Variants in MEG3 observed in about 807,000 individuals in gnomAD.
The protein encoded by MEG3 is Very putative protein from MEG3 locus.
chr14:100,845,586 G>A lies in MEG3; in HGVS notation n.3121+53G>A. The A allele has an allele frequency of 2.2e-6, 1 of 446,832 alleles. No homozygotes were observed. Among genetic ancestry groups the A allele is most frequent in the South Asian group, 1.6e-5 (1 of 62,872 alleles). 27.7% of individuals were successfully genotyped at this position (446,832 alleles called of 1,614,324 possible). Reference sequence around the variant, plus strand: ...CATGTGGCCTTGCTGCTGAGGGTGGGGCCAGCTGCCCGGAGCACACCGCCA... The same window carrying A: ...CATGTGGCCTTGCTGCTGAGGGTGGAGCCAGCTGCCCGGAGCACACCGCCA... On this transcript the variant is annotated intron_variant and non_coding_transcript_variant, in intron 3 of 3. Coordinates refer to the MEG3 transcript ENST00000398461. The surrounding 1 kb of genome is among the most constrained non-coding windows in gnomAD (Gnocchi z 5.2).
chr14:100,832,937 A>C (rs1158461316), downstream of MEG3: 1 of 152,118 alleles, frequency 6.6e-6, no homozygotes, highest in Non-Finnish European at 1.5e-5. Flanking sequence ...TCAGTTCCCA[A>C]CTCTAGCTCT....
intron 2 of MEG3, among the ~76,000 whole-genome samples, chr14:100,838,173 A>C (rs760691636): frequency 2.0e-5 from 3 of 152,140 alleles, no homozygotes; most frequent in Non-Finnish European, 4.4e-5. Context: ...TCTCACGGAC[A>C]TCTCAGGACT....
At chr14:100,847,799 A>G (rs2037959267) in intron 3 of MEG3, 1 of 152,266 alleles carries the variant, frequency 6.6e-6, no homozygotes, top group Non-Finnish European at 1.5e-5. Context: ...AAGGAACGGT[A>G]AAAAGAAATA....
chr14:100,860,266 GA>G (rs2038366452), exon 1 of MEG3: 1 of 224,454 alleles, frequency 4.5e-6, no homozygotes, highest in Non-Finnish European at 9.0e-6. Context: ...GAAATGTTTA[GA>G]GCCCTCAGGA....
downstream of MEG3, chr14:100,830,272 A>G (rs2037358838): frequency 6.6e-6 from 1 of 151,762 alleles, no homozygotes; most frequent in African/African-American, 2.4e-5. Context: ...CCTTTTAATA[A>G]CAGTGTGACC....
At chr14:100,839,941 G>A (rs1291979125) in intron 2 of MEG3, among the ~76,000 whole-genome samples, 1 of 120,606 alleles carries the variant, frequency 8.3e-6, no homozygotes, top group Non-Finnish European at 1.8e-5. Flanking sequence ...TCCTCACCAT[G>A]GAAAACTGGT....
intron 2 of MEG3, among the ~76,000 whole-genome samples, chr14:100,840,496 C>G (rs972672976): frequency 3.3e-5 from 4 of 122,828 alleles, no homozygotes; most frequent in African/African-American, 1.2e-4. Flanking sequence ...ATGGAAGGTG[C>G]CTTTTTTTCC....
intron 1 of MEG3, chr14:100,826,488 A>T (rs1240329418): frequency 5.3e-5 from 8 of 152,300 alleles, no homozygotes; most frequent in African/African-American, 1.9e-4. Flanking sequence ...ACTTCAGTTC[A>T]GAGGAGCGGG....
rs1353060606 is a variant in MEG3, at chr14:100,845,494, C to A, written n.3082C>A. 1 of 456,794 alleles carries A rather than the reference C, an allele frequency of 2.2e-6. No homozygotes were observed. Among genetic ancestry groups the A allele is most frequent in the African/African-American group, 2.0e-5 (1 of 50,220 alleles). 28.3% of individuals were successfully genotyped at this position (456,794 alleles called of 1,614,324 possible). ...ACCTGGATGCCTACGTGGGAAGGGACCTCGAATGTGGGACCCCAGCCCCTC... is the reference window on the plus strand; with the variant it reads ...ACCTGGATGCCTACGTGGGAAGGGAACTCGAATGTGGGACCCCAGCCCCTC... On this transcript the variant is annotated non_coding_transcript_exon_variant, in exon 3 of 4. Coordinates refer to the MEG3 transcript ENST00000398461. This position sits in a 1 kb window ranked among gnomAD's most constrained non-coding sequence, Gnocchi z 5.2.
chr14:100,833,675 G>A (rs2037463526), downstream of MEG3: 1 of 152,166 alleles, frequency 6.6e-6, no homozygotes, highest in South Asian at 2.1e-4. Context: ...TAATTCTTTA[G>A]AGCAGGTATG....
At chr14:100,850,402 C>T (rs2038033001) in intron 3 of MEG3, 1 of 152,150 alleles carries the variant, frequency 6.6e-6, no homozygotes, top group Non-Finnish European at 1.5e-5. Flanking sequence ...AGTTTGAGAT[C>T]AGCCTGGCCA....
chr14:100,836,037 C>T (rs1595268739), intron 1 of MEG3: 1 of 363,282 alleles, frequency 2.8e-6, no homozygotes, highest in Non-Finnish European at 5.4e-6. Context: ...TTGGGCATCC[C>T]CCAGTAGTCA....
At chr14:100,843,168 G>C (rs1439692633) in intron 2 of MEG3, among the ~76,000 whole-genome samples, 1 of 152,176 alleles carries the variant, frequency 6.6e-6, no homozygotes, top group Non-Finnish European at 1.5e-5. Context: ...TGGGGTCCCT[G>C]GAGCAGAAGC....
intron 2 of MEG3, among the ~76,000 whole-genome samples, chr14:100,841,191 G>T (rs2037748047): frequency 6.6e-6 from 1 of 152,244 alleles, no homozygotes; most frequent in South Asian, 2.1e-4. Context: ...TCCCTGCCGT[G>T]ACAGGAGGGG....
chr14:100,851,392 T>G (rs2139996285), intron 3 of MEG3: 1 of 152,356 alleles, frequency 6.6e-6, no homozygotes, highest in Admixed American at 6.5e-5. Flanking sequence ...TGTGCCACCC[T>G]GGGTGTGGCA....
exon 1 of MEG3, chr14:100,835,849 C>T (rs1361313083): frequency 7.5e-6 from 2 of 266,442 alleles, no homozygotes; most frequent in Non-Finnish European, 1.4e-5. Context: ...ACTCCTGTCC[C>T]ATCCCAGAGA....
chr14:100,854,950 T>C (rs1814215148), upstream of MEG3: 1 of 152,618 alleles, frequency 6.6e-6, no homozygotes, highest in South Asian at 2.1e-4. Flanking sequence ...GGCAATTACA[T>C]TCTAAGGAGC....
chr14:100,827,098 G>T (rs1167706992), intron 1 of MEG3, among the ~76,000 whole-genome samples: 1 of 152,136 alleles, frequency 6.6e-6, no homozygotes, highest in African/African-American at 2.4e-5. Context: ...TGCCGCGGGG[G>T]TCTTCAGAGC....
chr14:100,858,342 C>G (rs2038302276), exon 1 of MEG3: 1 of 152,838 alleles, frequency 6.5e-6, no homozygotes. Context: ...ACATCCCACG[C>G]AGGGGTCCTT....
Sources: gnomAD v4.1 joint callset for allele counts (sites outside exome capture counted in the v4.1 genomes callset) on GRCh38, gnomAD v4.1.1 for gene constraint, Gnocchi (gnomAD v3.1) non-coding constraint, MANE v1.5 for transcripts, NCBI Gene and HGNC (gene_info 2026-07-23, HGNC 2026-07-21) for gene names.